The following PLXNA1 variants were observed in gnomAD, a reference collection of about 807,000 sequenced individuals.
PLXNA1 encodes plexin A1.
In PLXNA1, 77 loss-of-function variants were observed where a neutral mutation model predicts 191.7. The ratio of observed to expected loss-of-function variants is 0.40; its 90% CI spans 0.33 to 0.49. The LOEUF (loss-of-function observed/expected upper bound fraction) is 0.49, where lower values mean the gene tolerates loss of function less well. PLXNA1 is among the 20% of genes least tolerant of loss of function. The pLI, the probability that PLXNA1 is intolerant of heterozygous loss-of-function variation, is 0.63. For missense variants in PLXNA1, 2,110 were observed against 2,660.2 expected (o/e 0.79, Z 4.55); for synonymous variants, 1,137 against 1,156.4 (o/e 0.98, Z 0.34).
intron 10 of PLXNA1, among the ~76,000 whole-genome samples, chr3:127,013,693 G>A (rs1278238666): frequency 6.6e-6 from 1 of 152,260 alleles, no homozygotes; most frequent in Non-Finnish European, 1.5e-5. Flanking sequence ...AGGGCCAGCT[G>A]GGAGTCTTGG....
At chr3:127,016,734 C>A in intron 16 of PLXNA1, 50 bp downstream of exon 16, 11 of 1,599,880 alleles carry the variant, frequency 6.9e-6, no homozygotes, top group Non-Finnish European at 9.4e-6. Context: ...GAGAGCAGCG[C>A]TGAGCCAGGA....
chr3:127,010,645 C>T (rs9854729), intron 9 of PLXNA1, among the ~76,000 whole-genome samples: 16,030 of 152,052 alleles, frequency 0.11, 932 homozygotes, highest in South Asian at 0.22. Flanking sequence ...TGGGCCCACA[C>T]GCTCACACTG....
chr3:127,029,379 G>T (rs1013809468), intron 26 of PLXNA1, 61 bp from the exon 27 acceptor site: 4 of 1,522,616 alleles, frequency 2.6e-6, no homozygotes, highest in Admixed American at 3.3e-5. Context: ...CCGGGGAGTG[G>T]GAGCCTGGTG....
intron 3 of PLXNA1, among the ~76,000 whole-genome samples, chr3:127,001,392 C>T (rs1419553829): frequency 6.6e-6 from 1 of 152,138 alleles, no homozygotes; most frequent in African/African-American, 2.4e-5. Context: ...GCATGCCGGG[C>T]CAGGGTCCAT....
chr3:127,015,991 A>G (rs1365183116), intron 15 of PLXNA1, among the ~76,000 whole-genome samples: 2 of 152,058 alleles, frequency 1.3e-5, no homozygotes, highest in African/African-American at 4.8e-5. Context: ...GGCCCAGGGT[A>G]GTAGGAGTGG....
Position 127,004,684 on chromosome 3 carries a change from A to G in PLXNA1, c.1592A>G (p.His531Arg). ...CELCLGSRDP[H>R]CGWCVLHSIC... ...CTGTGTCTGGGGTCACGGGACCCCC[A>G]CTGTGGCTGGTGTGTCCTGCACAGC... Residue 531 changes from histidine (H) to arginine (R), a missense_variant, in exon 5 of 32, where the codon CAC becomes CGC. By Grantham distance (29) the His-to-Arg change is conservative. Transcript: ENST00000393409. The G allele has an allele frequency of 1.3e-6, 2 of 1,590,934 alleles. No individual in the cohort carries two copies. The highest frequency in any genetic ancestry group is 1.7e-6 in the Non-Finnish European group (2 of 1,169,182).
At position 127,031,071 on chromosome 3, in the gene PLXNA1, C is replaced by T. The variant is rs181027775; in HGVS notation, c.5231+659C>T. Among the ~76,000 whole-genome samples the T allele has an allele frequency of 1.0e-3, 152 of 152,312 alleles. 3 individuals are homozygous for T. Among genetic ancestry groups the T allele is most frequent in the Admixed American group, 8.0e-3 (123 of 15,300 alleles). On this transcript the variant is annotated intron_variant, in intron 29 of 31. Coordinates refer to ENST00000393409, the MANE Select transcript of PLXNA1 (RefSeq NM_032242.4). ...GGCCAGCCAGTCCCTTGCTTTCCTC[C>T]GGCCTGGCCCACCCCTGGGACAGTG...
In PLXNA1 at chr3:127,022,671, C is replaced by T. The variant is rs1170520753; in HGVS notation, c.4296-81C>T. On this transcript the variant is annotated intron_variant, in intron 22 of 31. Transcript: ENST00000393409. ...GAAGGGGGGCAGGGTGGGGTGGGAT[C>T]GGTGAGTGAGGCCTGCAGGGGCCCT... 7 of 1,281,518 alleles carry T rather than the reference C, an allele frequency of 5.5e-6. No individual in the cohort carries two copies. The East Asian group carries it at 7.0e-5, about 13-fold the overall frequency. 79.4% of individuals were successfully genotyped at this position (1,281,518 alleles called of 1,614,324 possible).
intron 25 of PLXNA1, among the ~76,000 whole-genome samples, 178 bp downstream of exon 25, chr3:127,028,518 C>A (rs1467576958): frequency 1.3e-5 from 2 of 152,168 alleles, no homozygotes; most frequent in Non-Finnish European, 1.5e-5. Context: ...AGGGTGGCTG[C>A]CCTGCTCTGG....
chr3:127,014,915 C>T (rs2079115294), intron 14 of PLXNA1, 84 bp downstream of exon 14: 7 of 1,531,238 alleles, frequency 4.6e-6, no homozygotes, highest in Admixed American at 1.9e-5. Flanking sequence ...CTTCAGGGCC[C>T]CTTGTCTGGC....
At chr3:126,986,208 A>G (rs1408250847) in intron 1 of PLXNA1, among the ~76,000 whole-genome samples, 2 of 152,160 alleles carry the variant, frequency 1.3e-5, no homozygotes, top group Non-Finnish European at 2.9e-5. Context: ...TTTGGAGTTC[A>G]CATGTGCTCA....
In PLXNA1 at chr3:127,017,681, C is replaced by T. The variant is rs373371262; in HGVS notation, c.3516+17C>T. 38 of 1,613,132 alleles carry T rather than the reference C, an allele frequency of 2.4e-5. No homozygotes were observed. In the African/African-American group the frequency reaches 4.0e-4, roughly 17 times the overall value. On this transcript the variant is annotated intron_variant, in intron 18 of 31. Transcript: ENST00000393409. ...ATCCTCAAGGTGGGTCACCATTGCC[C>T]GTAGGCTGGGCCAAGCCAGGGAAGA...
intron 1 of PLXNA1, among the ~76,000 whole-genome samples, 178 bp from the exon 2 acceptor site, chr3:126,988,343 T>C (rs1301648502): frequency 3.3e-5 from 5 of 152,128 alleles, no homozygotes; most frequent in Non-Finnish European, 7.4e-5. Context: ...CCACAGCTTA[T>C]AGGGCCTCAG....
At chr3:127,021,078 C>T (rs1316386466) in intron 21 of PLXNA1, among the ~76,000 whole-genome samples, 2 of 152,206 alleles carry the variant, frequency 1.3e-5, no homozygotes, top group Non-Finnish European at 2.9e-5. Flanking sequence ...ACCCCCCAAC[C>T]GTGTGCCTTG....
At position 127,030,052 on chromosome 3, in the gene PLXNA1, A is replaced by T. The variant is rs145960102; in HGVS notation, c.5049A>T (p.Leu1683=). Residue 1683 remains leucine, a synonymous_variant, in exon 28 of 32, where the codon CTA becomes CTT. Coordinates refer to ENST00000393409, the MANE Select transcript of PLXNA1 (RefSeq NM_032242.4). ...TCTCGGAGATCTACTTGACACGGCTACTGGCCACCAAGGTGGGCCTGGCTG... is the reference window on the plus strand; with the variant it reads ...TCTCGGAGATCTACTTGACACGGCTTCTGGCCACCAAGGTGGGCCTGGCTG... ...KMVSEIYLTR[L]LATKGTLQKF... 2.0e-4 allele frequency: 320 copies of T among 1,611,194 alleles called. 1 individual carries two copies. Among genetic ancestry groups the T allele is most frequent in the Middle Eastern group, 3.3e-4 (2 of 6,054 alleles).
chr3:127,020,979 C>T (rs1232756932), intron 21 of PLXNA1, among the ~76,000 whole-genome samples: 8 of 152,236 alleles, frequency 5.3e-5, no homozygotes, highest in Non-Finnish European at 1.2e-4. Context: ...TAAAAGGCCC[C>T]CAGCGGCAGG....
At chr3:127,007,148 G>A (rs939562695) in intron 8 of PLXNA1, among the ~76,000 whole-genome samples, 11 of 152,196 alleles carry the variant, frequency 7.2e-5, no homozygotes, top group African/African-American at 2.7e-4. Context: ...GGGTGGTGGG[G>A]GAGCTGGCGG....
intron 9 of PLXNA1, among the ~76,000 whole-genome samples, chr3:127,009,411 C>T (rs2079084772): frequency 6.6e-6 from 1 of 151,924 alleles, no homozygotes; most frequent in African/African-American, 2.4e-5. Flanking sequence ...CGTGTGGGGT[C>T]GCAGGACTAT....
In PLXNA1 at chr3:127,030,084, G is replaced by A. The variant is rs751953497; in HGVS notation, c.5061+20G>A. 2 of 1,607,492 alleles carry A rather than the reference G, an allele frequency of 1.2e-6. No homozygotes were observed. Among genetic ancestry groups the A allele is most frequent in the Non-Finnish European group, 1.7e-6 (2 of 1,175,004 alleles). On this transcript the variant is annotated intron_variant, in intron 28 of 31. Coordinates refer to ENST00000393409, the MANE Select transcript of PLXNA1 (RefSeq NM_032242.4). ...ACCAAGGTGGGCCTGGCTGGCAGAT[G>A]GGGGCAGGGGACGCTGGGCCAACTG... is the stretch of plus-strand genomic sequence containing the variant.
Sources: gnomAD v4.1 joint callset for allele counts (sites outside exome capture counted in the v4.1 genomes callset) on GRCh38, gnomAD v4.1.1 for gene constraint, MANE v1.5 for transcripts, NCBI Gene and HGNC (gene_info 2026-07-23, HGNC 2026-07-21) for gene names.